ITSN2: variants seen among roughly 807,000 people sequenced by gnomAD.
ITSN2 encodes intersectin 2.
ITSN2 carries 156 observed loss-of-function variants against 243.7 expected under a neutral mutation model. The ratio of observed to expected loss-of-function variants is 0.64; its 90% confidence interval spans 0.56 to 0.73. The LOEUF (loss-of-function observed/expected upper bound fraction) is 0.73. Among genes scored for constraint, ITSN2 ranks in the 30% least tolerant of loss-of-function variants. The pLI, the probability that ITSN2 is intolerant of heterozygous loss-of-function variation, is 0.00. For synonymous variants in ITSN2, 703 were observed against 699.9 expected (o/e 1.00, Z -0.07); for missense variants, 1,801 against 1,996.1 (o/e 0.90, Z 1.86).
Position 24,298,692 on chromosome 2 carries a change from C to T in ITSN2, c.1467G>A (p.Lys489=), listed in dbSNP as rs141655958. The change falls in exon 13 of 40, where the codon AAG becomes AAA. Residue 489 remains lysine (K), a synonymous_variant. Transcript: ENST00000355123. ...GTGCTTCCAACTCAAGATGAAGATT[C>T]TTCTTTTTAGAGTTTAACCTGACAA... The part of the protein sequence containing the change: ...EEIVRLNSKK[K]NLHLELEALN... 1.7e-4 allele frequency: 278 copies of T among 1,602,724 alleles called. No homozygotes were observed. In the African/African-American group the frequency reaches 3.4e-3, roughly 19 times the overall value.
Position 24,301,149 on chromosome 2 carries a change from G to A in ITSN2, c.1081+5C>T, listed in dbSNP as rs1681674652. 3 of 1,543,300 alleles carry A rather than the reference G, an allele frequency of 1.9e-6. No individual in the cohort carries two copies. In the South Asian group the frequency reaches 3.4e-5, roughly 18 times the overall value. The stretch of plus-strand genomic sequence containing the variant: ...TAAATATACAACTTTGACACTCAGT[G>A]ATACCTGGTAATTTCTTCTGAGGCT... On this transcript the variant is annotated splice_donor_5th_base_variant and intron_variant, in intron 11 of 39. Coordinates refer to ENST00000355123, the MANE Select transcript of ITSN2 (RefSeq NM_006277.3).
At chr2:24,217,268 T>C (rs945364308) in intron 31 of ITSN2, among the ~76,000 whole-genome samples, 4 of 151,738 alleles carry the variant, frequency 2.6e-5, no homozygotes, top group Admixed American at 6.6e-5. Context: ...AAAATACACT[T>C]GGGTGTTTCA....
At chr2:24,330,678 G>A in intron 1 of ITSN2, 1 of 711,936 alleles carries the variant, frequency 1.4e-6, no homozygotes, top group Non-Finnish European at 2.6e-6. Context: ...CAAGTGAAGT[G>A]TGTGTATTTT....
chr2:24,334,928 T>C (rs1474595703), intron 1 of ITSN2, among the ~76,000 whole-genome samples: 1 of 151,040 alleles, frequency 6.6e-6, no homozygotes, highest in Admixed American at 6.6e-5. Flanking sequence ...CCGGGCGTGG[T>C]AGCGGGCGCC....
chr2:24,242,768 A>AATTAT (rs1672879482), intron 29 of ITSN2, among the ~76,000 whole-genome samples: 1 of 152,210 alleles, frequency 6.6e-6, no homozygotes, highest in South Asian at 2.1e-4. Context: ...CCTTAGAATT[A>AATTAT]CAGAATTGAG....
At chr2:24,315,311 C>G in intron 2 of ITSN2, 87 bp from the exon 3 acceptor site, 1 of 703,838 alleles carries the variant, frequency 1.4e-6, no homozygotes, top group Admixed American at 2.3e-5. Context: ...CACAAGTGTT[C>G]ATTGTATGAC....
chr2:24,270,681 T>C lies in ITSN2; in HGVS notation c.2345A>G (p.Asp782Gly). The C allele has an allele frequency of 6.4e-7, 1 of 1,553,790 alleles. No individual in the cohort carries two copies. The highest frequency in any genetic ancestry group is 8.8e-7 in the Non-Finnish European group (1 of 1,130,310). The change falls in exon 20 of 40, where the codon GAT becomes GGT. Residue 782 changes from aspartate (D) to glycine (G), a missense_variant. Physicochemically the swap from Asp to Gly is moderately conservative, Grantham distance 94. Around this residue, in one of 5 missense-constraint regions of ITSN2, gnomAD observed 787 missense variants for 803.9 expected, o/e 0.98. Coordinates refer to ENST00000355123, the MANE Select transcript of ITSN2 (RefSeq NM_006277.3). ...AAATTCATTTCCTACCTGAATTATA[T>C]CTCCAGAATTAAAACTCATCTCATC... ...NHDEMSFNSGDIIQVDEKTVG... is the reference protein window; with the variant it reads ...NHDEMSFNSGGIIQVDEKTVG...
chr2:24,269,035 G>A (rs548245806), intron 20 of ITSN2, among the ~76,000 whole-genome samples: 1 of 145,690 alleles, frequency 6.9e-6, no homozygotes, highest in Admixed American at 7.2e-5. Flanking sequence ...TCTTCTCAAA[G>A]TTCCCTAACA....
chr2:24,359,722 C>T (rs1419636135), intron 1 of ITSN2, among the ~76,000 whole-genome samples: 2 of 152,092 alleles, frequency 1.3e-5, no homozygotes, highest in African/African-American at 4.8e-5. Flanking sequence ...AAGTCAATAA[C>T]GCTGAAGGTA....
At chr2:24,218,829 C>T (rs10165445) in intron 30 of ITSN2, among the ~76,000 whole-genome samples, 97,097 of 152,012 alleles carry the variant, frequency 0.64, 31,458 homozygotes, top group East Asian at 0.77. Context: ...ACTTTAAACA[C>T]CTTAAGGAAA....
chr2:24,310,672 G>T lies in ITSN2; in HGVS notation c.373C>A (p.Leu125Met). ...GGAGGCAATGGCTGAGGAATGGACAGATTGGGCATGCTTCCCATTCCTAAA... is the reference window on the plus strand; with the variant it reads ...GGAGGCAATGGCTGAGGAATGGACATATTGGGCATGCTTCCCATTCCTAAA... Reference protein sequence around the residue: ...ARFGMGSMPNLSIPQPLPPAA... With the variant: ...ARFGMGSMPNMSIPQPLPPAA... Residue 125 changes from leucine (L) to methionine (M), a missense_variant, in exon 6 of 40, where the codon CTG becomes ATG. By Grantham distance (15) the Leu-to-Met change is conservative (BLOSUM62 2). Around this residue, in one of 5 missense-constraint regions of ITSN2, gnomAD observed 787 missense variants for 803.9 expected, o/e 0.98. Coordinates refer to ENST00000355123, the MANE Select transcript of ITSN2 (RefSeq NM_006277.3). 6.2e-7 allele frequency: 1 copy of T among 1,614,084 alleles called. No individual in the cohort carries two copies. The highest frequency in any genetic ancestry group is 8.5e-7 in the Non-Finnish European group (1 of 1,179,950).
At chr2:24,325,473 A>G (rs929926908) in intron 2 of ITSN2, among the ~76,000 whole-genome samples, 3 of 152,138 alleles carry the variant, frequency 2.0e-5, no homozygotes, top group Non-Finnish European at 4.4e-5. Context: ...CAATTTTAAA[A>G]TAGTTAATTC....
intron 1 of ITSN2, among the ~76,000 whole-genome samples, chr2:24,358,633 C>CT (rs1392457977): frequency 2.0e-5 from 3 of 152,068 alleles, no homozygotes; most frequent in Admixed American, 6.5e-5. Flanking sequence ...AAAAGATATA[C>CT]TAACTACATA....
chr2:24,256,210 C>A (rs1169131941), intron 23 of ITSN2, among the ~76,000 whole-genome samples: 1 of 152,146 alleles, frequency 6.6e-6, no homozygotes, highest in Non-Finnish European at 1.5e-5. Context: ...GCCGAAAGAG[C>A]GAGACTCCAT....
rs535471123 is a variant in ITSN2 at position 24,225,386 on chromosome 2, T to C, written c.3578-4320A>G. Among the ~76,000 whole-genome samples, 5 of 152,282 alleles carry C rather than the reference T, an allele frequency of 3.3e-5. No individual in the cohort carries two copies. The highest frequency in any genetic ancestry group is 2.1e-4 in the South Asian group (1 of 4,828). On this transcript the variant is annotated intron_variant, in intron 29 of 39. Transcript: ENST00000355123. This position sits in a 1 kb window ranked among gnomAD's most constrained non-coding sequence, Gnocchi z 4.2. The stretch of plus-strand genomic sequence containing the variant: ...TTCCCTGTCACATCTCCACTCGGGA[T>C]TCTGGTTTCTGCCCCACTGCCCGAC...
intron 29 of ITSN2, among the ~76,000 whole-genome samples, chr2:24,238,108 C>A (rs567191775): frequency 6.6e-6 from 1 of 152,314 alleles, no homozygotes; most frequent in East Asian, 1.9e-4. Flanking sequence ...GTTGCTTCCT[C>A]CAGCAAGTCT....
chr2:24,295,608 C>T, intron 14 of ITSN2, 56 bp downstream of exon 14: 2 of 1,372,074 alleles, frequency 1.5e-6, no homozygotes, highest in East Asian at 5.5e-5. Flanking sequence ...CGTGCCCAGC[C>T]CAGAAGAACT....
intron 20 of ITSN2, among the ~76,000 whole-genome samples, chr2:24,269,824 C>A (rs971895647): frequency 2.6e-5 from 4 of 152,174 alleles, no homozygotes; most frequent in African/African-American, 9.7e-5. Context: ...CATCCAGACA[C>A]CATCACCAAC....
chr2:24,210,657 G>T, intron 34 of ITSN2, 123 bp downstream of exon 34: 1 of 754,558 alleles, frequency 1.3e-6, no homozygotes, highest in Non-Finnish European at 2.0e-6. Flanking sequence ...CCTTTGCAGG[G>T]GCAGGGTGGT....
Sources: allele counts gnomAD v4.1 joint callset (sites outside exome capture counted in the v4.1 genomes callset), GRCh38; gene constraint gnomAD v4.1.1; regional missense constraint gnomAD v4.1.1; non-coding constraint Gnocchi (gnomAD v3.1); transcripts MANE v1.5; gene names NCBI Gene and HGNC (gene_info 2026-07-23, HGNC 2026-07-21).